The following AGBL4 variants were observed in gnomAD, a reference collection of about 807,000 sequenced individuals.
AGBL4 encodes the protein AGBL carboxypeptidase 4.
In AGBL4, 58 loss-of-function variants were observed where a neutral mutation model predicts 66.4. The ratio of observed to expected loss-of-function variants is 0.87; its 90% CI spans 0.71 to 1.09. The LOEUF is 1.09. Ranked by LOEUF, AGBL4 falls within the 50% of genes least tolerant of loss-of-function variation. AGBL4 has a pLI of 0.00. For synonymous variants in AGBL4, 234 were observed against 222.9 expected, an observed-to-expected ratio of 1.05 and a Z score of -0.44; for missense variants, 579 against 631.0, an observed-to-expected ratio of 0.92 and a Z score of 0.88.
At chr1:49,092,940 A>G (rs961206578) in intron 4 of AGBL4, among the ~76,000 whole-genome samples, 1 of 152,116 alleles carries the variant, frequency 6.6e-6, no homozygotes, top group Non-Finnish European at 1.5e-5. Flanking sequence ...GATGACCTTT[A>G]GGTTTTGGTT....
At chr1:49,874,719 C>G (rs1419791816) in intron 1 of AGBL4, among the ~76,000 whole-genome samples, 6 of 152,082 alleles carry the variant, frequency 3.9e-5, no homozygotes, top group Admixed American at 3.9e-4. Context: ...TATCAAACAA[C>G]ATGTATTGAA....
chr1:49,522,798 T>C (rs1424648280), intron 3 of AGBL4, among the ~76,000 whole-genome samples: 2 of 152,194 alleles, frequency 1.3e-5, no homozygotes, highest in East Asian at 3.9e-4. Context: ...TGATACAGTG[T>C]AGAAGCACAG....
At chr1:49,731,740 T>G (rs1649468556) in intron 2 of AGBL4, among the ~76,000 whole-genome samples, 1 of 152,134 alleles carries the variant, frequency 6.6e-6, no homozygotes, top group Non-Finnish European at 1.5e-5. Context: ...ACCTTCAAAA[T>G]TAATACCTTG....
rs147899703 is a variant in AGBL4 at position 48,942,642 on chromosome 1, A to G, written c.595-75412T>C. Among the ~76,000 whole-genome samples, 1,483 of 152,312 alleles carry G rather than the reference A, an allele frequency of 9.7e-3. 27 individuals carry two copies. The highest frequency in any genetic ancestry group is 0.034 in the African/African-American group (1,396 of 41,564). ...TCAATGTTGTATTCCTAGAATTTAGAATAAAGCCCTGGACATAGTAAACAT... is the reference window on the plus strand; with the variant it reads ...TCAATGTTGTATTCCTAGAATTTAGGATAAAGCCCTGGACATAGTAAACAT... On this transcript the variant is annotated intron_variant, in intron 5 of 13. Coordinates refer to ENST00000371839, the MANE Select transcript of AGBL4 (RefSeq NM_032785.4).
At chr1:49,285,106 C>T (rs1399348719) in intron 3 of AGBL4, among the ~76,000 whole-genome samples, 1 of 152,078 alleles carries the variant, frequency 6.6e-6, no homozygotes. Flanking sequence ...CCAAAATTGA[C>T]CACATATTTG....
intron 1 of AGBL4, among the ~76,000 whole-genome samples, chr1:49,866,561 C>T (rs957139654): frequency 2.0e-5 from 3 of 152,092 alleles, no homozygotes; most frequent in Non-Finnish European, 2.9e-5. Flanking sequence ...GTCAGGAGTT[C>T]GAGACCAGTC....
At chr1:49,246,894 T>C (rs760725401) in intron 3 of AGBL4, among the ~76,000 whole-genome samples, 2 of 152,046 alleles carry the variant, frequency 1.3e-5, no homozygotes, top group Non-Finnish European at 2.9e-5. Flanking sequence ...ATTATTTTAT[T>C]CAACAAGTAT....
At chr1:49,187,932 G>A (rs1363491319) in intron 4 of AGBL4, among the ~76,000 whole-genome samples, 3 of 152,070 alleles carry the variant, frequency 2.0e-5, no homozygotes, top group South Asian at 2.1e-4. Context: ...AATTATGGGG[G>A]TGAGTCTTCC....
chr1:49,362,776 T>A (rs1644168262), intron 3 of AGBL4, among the ~76,000 whole-genome samples: 1 of 152,170 alleles, frequency 6.6e-6, no homozygotes, highest in Non-Finnish European at 1.5e-5. Context: ...AAGGAATGTA[T>A]CCAGTAATGA....
At chr1:49,330,025 G>C (rs796364494) in intron 3 of AGBL4, among the ~76,000 whole-genome samples, 1 of 152,142 alleles carries the variant, frequency 6.6e-6, no homozygotes, top group Non-Finnish European at 1.5e-5. Flanking sequence ...TGAAAAACAC[G>C]GAATGAAAAG....
intron 5 of AGBL4, among the ~76,000 whole-genome samples, chr1:49,032,083 A>G (rs1430677022): frequency 2.6e-5 from 4 of 152,154 alleles, no homozygotes; most frequent in Non-Finnish European, 5.9e-5. Flanking sequence ...ATGTGTATAC[A>G]AGTTAGGGAG....
chr1:49,543,388 T>G (rs888687336), intron 3 of AGBL4, among the ~76,000 whole-genome samples: 4 of 152,058 alleles, frequency 2.6e-5, no homozygotes, highest in African/African-American at 9.7e-5. Flanking sequence ...TTCACTTTGT[T>G]GTAGGTAAAA....
In AGBL4 at chr1:49,207,939, C is replaced by G. The variant is rs943982972; in HGVS notation, c.377+37831G>C. ...TGCATGCTATTGATATTGTCTTTCA[C>G]TCTATATTATCCTTTACTTCAACTC... On this transcript the variant is annotated intron_variant, in intron 4 of 13. Transcript: ENST00000371839. 3.3e-5 allele frequency among the ~76,000 whole-genome samples: 5 copies of G among 151,952 alleles called. No individual in the cohort carries two copies. In the East Asian group the frequency reaches 7.7e-4, roughly 24 times the overall value.
chr1:49,682,080 ATTAAT>A (rs1332616430), intron 3 of AGBL4, among the ~76,000 whole-genome samples: 3 of 152,192 alleles, frequency 2.0e-5, no homozygotes, highest in Non-Finnish European at 2.9e-5. Flanking sequence ...GTAATTATCT[ATTAAT>A]TTAAGAGTCA....
chr1:49,629,794 C>G (rs1310945469), intron 3 of AGBL4, among the ~76,000 whole-genome samples: 1 of 151,982 alleles, frequency 6.6e-6, no homozygotes, highest in Non-Finnish European at 1.5e-5. Flanking sequence ...ATTACGGGGT[C>G]CTCCCTCCAA....
At chr1:48,534,562 T>A (rs1021302726) in intron 13 of AGBL4, among the ~76,000 whole-genome samples, 1 of 152,240 alleles carries the variant, frequency 6.6e-6, no homozygotes, top group Admixed American at 6.5e-5. Context: ...GTTAGTGTCA[T>A]AAATATGAGA....
chr1:48,613,623 A>T (rs1431626791), intron 9 of AGBL4, among the ~76,000 whole-genome samples: 2 of 152,192 alleles, frequency 1.3e-5, no homozygotes, highest in African/African-American at 2.4e-5. Context: ...TCTGTGTGGA[A>T]GCTTTAAATG....
intron 5 of AGBL4, among the ~76,000 whole-genome samples, chr1:48,969,689 G>A (rs527480341): frequency 5.1e-4 from 77 of 151,992 alleles, no homozygotes; most frequent in African/African-American, 1.7e-3. Flanking sequence ...GACATGAGGT[G>A]CCCCAAACAT....
intron 6 of AGBL4, among the ~76,000 whole-genome samples, chr1:48,753,968 C>A (rs141502285): frequency 6.6e-6 from 1 of 152,202 alleles, no homozygotes; most frequent in Non-Finnish European, 1.5e-5. Flanking sequence ...TGGTGTCACA[C>A]TGCGTACATA....
Sources: gnomAD v4.1 joint callset for allele counts (sites outside exome capture counted in the v4.1 genomes callset) on GRCh38, gnomAD v4.1.1 for gene constraint, MANE v1.5 for transcripts, NCBI Gene and HGNC (gene_info 2026-07-23, HGNC 2026-07-21) for gene names.